Variants in NUP153 observed in about 807,000 individuals in gnomAD.
NUP153 encodes nucleoporin 153.
A neutral mutation model predicts 134.6 loss-of-function variants in NUP153; 27 were observed. The observed-to-expected ratio is 0.20, with a 90% CI of 0.15 to 0.28. The LOEUF (loss-of-function observed/expected upper bound fraction) is 0.28. Among genes scored for constraint, NUP153 ranks in the 10% least tolerant of loss-of-function variants. The pLI is 1.00. For missense variants in NUP153, 1,821 were observed against 1,731.3 expected (o/e 1.05, Z -0.92); for synonymous variants, 640 against 623.5 (o/e 1.03, Z -0.40).
intron 5 of NUP153, among the ~76,000 whole-genome samples, chr6:17,674,182 CAA>C (rs1267604230): frequency 6.6e-6 from 1 of 152,198 alleles, no homozygotes; most frequent in African/African-American, 2.4e-5. Context: ...AGGGTTGACT[CAA>C]GAGATACATA....
intron 5 of NUP153, among the ~76,000 whole-genome samples, chr6:17,671,783 G>A (rs771506358): frequency 2.1e-4 from 32 of 152,012 alleles, no homozygotes; most frequent in South Asian, 6.2e-4. Flanking sequence ...CAAGGTGGGC[G>A]GATCACCTGA....
intron 20 of NUP153, among the ~76,000 whole-genome samples, chr6:17,619,377 A>G (rs1320638134): frequency 6.6e-6 from 1 of 152,178 alleles, no homozygotes; most frequent in African/African-American, 2.4e-5. Context: ...GTAACAGGAA[A>G]GACATGACAC....
chr6:17,665,571 A>G (rs1767484581), intron 8 of NUP153, among the ~76,000 whole-genome samples, 186 bp from the exon 9 acceptor site: 1 of 152,216 alleles, frequency 6.6e-6, no homozygotes, highest in Non-Finnish European at 1.5e-5. Flanking sequence ...TCATATACCT[A>G]TGCACATAAA....
rs989907588 is a variant in NUP153, at chr6:17,646,004, C to A, written c.1720+63G>T. The A allele has an allele frequency of 3.5e-4, 221 of 625,804 alleles. 2 individuals are homozygous for A. Among genetic ancestry groups the A allele is most frequent in the Middle Eastern group, 4.4e-4 (1 of 2,268 alleles). The allele number at this position is 625,804 out of a possible 1,614,324, so 38.8% of individuals were successfully genotyped here. On this transcript the variant is annotated intron_variant, in intron 14 of 21. Coordinates refer to ENST00000262077, the MANE Select transcript of NUP153 (RefSeq NM_005124.4). ...TAAGAATTACCAAAGGTGAAAGAAGCTGAAATACTAATCTACTGTATGCAA... is the reference window on the plus strand; with the variant it reads ...TAAGAATTACCAAAGGTGAAAGAAGATGAAATACTAATCTACTGTATGCAA...
Position 17,628,624 on chromosome 6 carries a change from AT to A in NUP153, c.3544+30del, listed in dbSNP as rs760306174. 6.6e-5 allele frequency: 78 copies of A among 1,188,642 alleles called. No homozygotes were observed. The highest frequency in any genetic ancestry group is 7.7e-5 in the Non-Finnish European group (72 of 939,100). The allele number at this position is 1,188,642 out of a possible 1,614,324, so 73.6% of individuals were successfully genotyped here. A position where few individuals can be genotyped will look rare whatever the true frequency, so the allele number is the denominator to read the frequency against. On this transcript the variant is annotated intron_variant, in intron 18 of 21. Coordinates refer to ENST00000262077, the MANE Select transcript of NUP153 (RefSeq NM_005124.4). This position sits in a 1 kb window ranked among gnomAD's most constrained non-coding sequence, Gnocchi z 5.4. Reference sequence around the variant, plus strand: ...ACGACAACTTGTAAAAAAAAAAATAATAATAATAATAATAAAAAGTTAATAC... The same window carrying A: ...ACGACAACTTGTAAAAAAAAAAATAAAATAATAATAATAAAAAGTTAATAC...
chr6:17,655,985 T>G (rs1766793957), intron 11 of NUP153, among the ~76,000 whole-genome samples: 1 of 152,034 alleles, frequency 6.6e-6, no homozygotes, highest in African/African-American at 2.4e-5. Flanking sequence ...TGGGTGGATC[T>G]CTTGAGGTCA....
rs754229775 is a variant in NUP153, at chr6:17,629,359, C to T, written c.2840G>A (p.Ser947Asn). Reference sequence around the variant, plus strand: ...TGGTTTAGAAAATTTAAAGCCTTCACTCATGGGGTTTATAGACCCAGAATC... The same window carrying T: ...TGGTTTAGAAAATTTAAAGCCTTCATTCATGGGGTTTATAGACCCAGAATC... ...SSDSGSINPMSEGFKFSKPIG... is the reference protein window; with the variant it reads ...SSDSGSINPMNEGFKFSKPIG... The change falls in exon 18 of 22, where the codon AGT (serine) becomes AAT (asparagine). Residue 947 changes from serine (S) to asparagine (N), a missense_variant. By Grantham distance (46) the Ser-to-Asn change is conservative (BLOSUM62 1). Transcript: ENST00000262077. 2 of 1,612,554 alleles carry T rather than the reference C, an allele frequency of 1.2e-6. No individual in the cohort carries two copies. The highest frequency in any genetic ancestry group is 2.7e-5 in the African/African-American group (2 of 74,832).
rs1561846060 is a variant in NUP153, at chr6:17,616,157, A to G, written c.4368T>C (p.Ser1456=). Residue 1456 remains serine, a synonymous_variant, in exon 22 of 22, where the codon TCT becomes TCC. Coordinates refer to ENST00000262077, the MANE Select transcript of NUP153 (RefSeq NM_005124.4). ...GACCAGAGAATGAAGTTCCAGAAGA[A>G]GAGAACACATTTTTCCCATTTGACC... is the stretch of plus-strand genomic sequence containing the variant. ...TVGSNGKNVF[S]SSGTSFSGRK... 2 of 1,613,556 alleles carry G rather than the reference A, an allele frequency of 1.2e-6. No homozygotes were observed. The highest frequency in any genetic ancestry group is 1.7e-5 in the Admixed American group (1 of 59,970).
rs546310257 is a variant in NUP153, at chr6:17,666,400, G to A, written c.1069-1015C>T. On this transcript the variant is annotated intron_variant, in intron 8 of 21. Transcript: ENST00000262077. Reference sequence around the variant, plus strand: ...CGTGGTGGCATGCGCCTGTAATCCCGGCTATTCAGGAGGCTGAGGCAGGAG... The same window carrying A: ...CGTGGTGGCATGCGCCTGTAATCCCAGCTATTCAGGAGGCTGAGGCAGGAG... Among the ~76,000 whole-genome samples, 4 of 152,014 alleles carry A rather than the reference G, an allele frequency of 2.6e-5. No homozygotes were observed. The East Asian group carries it at 5.8e-4, about 22-fold the overall frequency.
chr6:17,632,700 T>C lies in NUP153; in HGVS notation c.2609A>G (p.Lys870Arg), dbSNP rs1209368855. Residue 870 changes from lysine to arginine, a missense_variant, in exon 17 of 22, where the codon AAA becomes AGA. Physicochemically the swap from Lys to Arg is conservative, Grantham distance 26. Transcript: ENST00000262077. ...CTTTGCACTTTCACATGCCAAACAT[T>C]TGGTAGAGTCTGCCTTATTCTGCAC... ...CLVQNKADSTKCLACESAKPG... is the reference protein window; with the variant it reads ...CLVQNKADSTRCLACESAKPG... 1 of 1,613,078 alleles carries C rather than the reference T, an allele frequency of 6.2e-7. No individual in the cohort carries two copies. Among genetic ancestry groups the C allele is most frequent in the South Asian group, 1.1e-5 (1 of 90,770 alleles).
intron 5 of NUP153, among the ~76,000 whole-genome samples, chr6:17,671,750 T>C (rs531333472): frequency 6.6e-6 from 1 of 152,192 alleles, no homozygotes; most frequent in South Asian, 2.1e-4. Context: ...CTCATACCTA[T>C]AATACCAGCA....
chr6:17,670,180 A>T (rs1767813908), intron 5 of NUP153, among the ~76,000 whole-genome samples: 1 of 151,876 alleles, frequency 6.6e-6, no homozygotes, highest in Admixed American at 6.6e-5. Context: ...CCATTCTGTT[A>T]ACCCCTTCGG....
chr6:17,662,120 T>C (rs1330896860), intron 9 of NUP153, 50 bp from the exon 10 acceptor site: 1 of 1,524,714 alleles, frequency 6.6e-7, no homozygotes, highest in Non-Finnish European at 9.0e-7. Context: ...GTTGTAATTT[T>C]CTTAGTACCA....
At chr6:17,671,383 A>C (rs1323365071) in intron 5 of NUP153, among the ~76,000 whole-genome samples, 2 of 151,974 alleles carry the variant, frequency 1.3e-5, no homozygotes, top group Non-Finnish European at 2.9e-5. Flanking sequence ...AATTGGTATT[A>C]TTTCTTTCTT....
intron 1 of NUP153, among the ~76,000 whole-genome samples, chr6:17,692,945 T>C (rs935490204): frequency 6.6e-6 from 1 of 152,164 alleles, no homozygotes; most frequent in Non-Finnish European, 1.5e-5. Flanking sequence ...AAAATATACA[T>C]GTGGAGCACT....
In NUP153 at chr6:17,675,796, G is replaced by A; in HGVS notation, c.335-26C>T. ...CTTAAAAGAAAAGCATTAATATTAT[G>A]AATATACAACTTAGAGCGATACACT... On this transcript the variant is annotated intron_variant, in intron 2 of 21. Transcript: ENST00000262077. This position sits in a 1 kb window ranked among gnomAD's most constrained non-coding sequence, Gnocchi z 4.4. 6.2e-7 allele frequency: 1 copy of A among 1,603,892 alleles called. No individual in the cohort carries two copies. The highest frequency in any genetic ancestry group is 8.5e-7 in the Non-Finnish European group (1 of 1,170,802).
chr6:17,682,798 G>C (rs1282568796), intron 2 of NUP153, among the ~76,000 whole-genome samples: 1 of 151,908 alleles, frequency 6.6e-6, no homozygotes, highest in African/African-American at 2.4e-5. Flanking sequence ...CATGCCTGTA[G>C]TCCCAGCTAC....
intron 11 of NUP153, among the ~76,000 whole-genome samples, chr6:17,658,147 C>A (rs1172844553): frequency 6.6e-6 from 1 of 152,210 alleles, no homozygotes; most frequent in Non-Finnish European, 1.5e-5. Flanking sequence ...CGCCTATAAT[C>A]CCAGCACTCT....
intron 8 of NUP153, 100 bp from the exon 9 acceptor site, chr6:17,665,485 A>T (rs1407871547): frequency 3.4e-6 from 3 of 892,726 alleles, no homozygotes; most frequent in African/African-American, 3.4e-5. Context: ...GACCATGAGT[A>T]TTTCCCAGAG....
Sources: allele counts gnomAD v4.1 joint callset (sites outside exome capture counted in the v4.1 genomes callset), GRCh38; gene constraint gnomAD v4.1.1; non-coding constraint Gnocchi (gnomAD v3.1); transcripts MANE v1.5; gene names NCBI Gene and HGNC (gene_info 2026-07-23, HGNC 2026-07-21).